TTN: variants seen among roughly 807,000 people sequenced by gnomAD.
TTN encodes connectin.
TTN carries 1,525 observed loss-of-function variants against 3,223.0 expected under a neutral mutation model. That is an observed-to-expected ratio of 0.47 (90% CI 0.45 to 0.49). The LOEUF (loss-of-function observed/expected upper bound fraction) is 0.49. TTN is among the 20% of genes least tolerant of loss of function. TTN has a pLI of 0.00. For synonymous variants in TTN, 14,094 were observed against 15,161.0 expected, an observed-to-expected ratio of 0.93 and a Z score of 5.17; for missense variants, 40,786 against 43,424.0, an observed-to-expected ratio of 0.94 and a Z score of 5.40.
rs764764471 is a variant in TTN, at chr2:178,546,016, G to A, written c.95220C>T (p.Ile31740=). The change falls in exon 343 of 363, where the codon ATC becomes ATT. Residue 31740 remains isoleucine (I), a synonymous_variant. Coordinates refer to ENST00000589042, the MANE Select transcript of TTN (RefSeq NM_001267550.2). ...SLPQEDGGAE[I]THYIVERRET... is the part of the protein sequence containing the mutation. ...CGCGTCTTTCCACGATGTAGTGAGT[G>A]ATTTCTGCTCCTCCGTCTTCCTGCG... 1.2e-6 allele frequency: 2 copies of A among 1,613,800 alleles called. No homozygotes were observed. The highest frequency in any genetic ancestry group is 1.7e-6 in the Non-Finnish European group (2 of 1,179,768).
At position 178,770,181 on chromosome 2, in the gene TTN, GTGTT is replaced by G; in HGVS notation, c.8516_8519del (p.Lys2839ThrfsTer12). On this transcript the variant is annotated frameshift_variant, in exon 36 of 363. Transcript: ENST00000589042. LOFTEE classifies it high-confidence loss of function. ...GGACTTTCCTTTCTGAGACCAGTCT[GTGTT>G]TGTCACTTGGCTTAATTTCCACACT... 1 of 1,614,112 alleles carries G rather than the reference GTGTT, an allele frequency of 6.2e-7. No homozygotes were observed. The highest frequency in any genetic ancestry group is 8.5e-7 in the Non-Finnish European group (1 of 1,180,000).
intron 126 of TTN, 104 bp from the exon 127 acceptor site, chr2:178,688,328 G>T: frequency 2.9e-6 from 3 of 1,041,244 alleles, no homozygotes; most frequent in Non-Finnish European, 4.4e-6. Context: ...ATCTGCTTAG[G>T]ACATAGCTTC....
In TTN at chr2:178,773,942, G is replaced by T. The variant is rs769246937; in HGVS notation, c.7226C>A (p.Ser2409Tyr). 10 of 1,614,120 alleles carry T rather than the reference G, an allele frequency of 6.2e-6. No individual in the cohort carries two copies. Among genetic ancestry groups the T allele is most frequent in the Non-Finnish European group, 8.5e-6 (10 of 1,179,994 alleles). Residue 2409 changes from serine to tyrosine, a missense_variant, in exon 31 of 363, where the codon TCT (serine) becomes TAT (tyrosine). By Grantham distance (144) the Ser-to-Tyr change is moderately radical. Coordinates refer to ENST00000589042, the MANE Select transcript of TTN (RefSeq NM_001267550.2). ...CATGTCTTCAATGAGCAGCATATGA[G>T]ATTGTTTGTCTATCACAATGTGAAC... ...DRVHIVIDKQ[S>Y]HMLLIEDMTK... is the part of the protein sequence containing the mutation.
intron 38 of TTN, 86 bp downstream of exon 38, chr2:178,768,583 TTTTA>T: frequency 6.3e-7 from 1 of 1,580,842 alleles, no homozygotes; most frequent in Non-Finnish European, 8.6e-7. Flanking sequence ...CTATCCCACA[TTTTA>T]TTTATCCATT....
Position 178,533,165 on chromosome 2 carries a change from C to T in TTN, c.103450G>A (p.Ala34484Thr), listed in dbSNP as rs754949098. The change falls in exon 358 of 363, where the codon GCT becomes ACT. Residue 34484 changes from alanine to threonine, a missense_variant. Ala to Thr is a moderately conservative substitution (Grantham distance 58). Coordinates refer to ENST00000589042, the MANE Select transcript of TTN (RefSeq NM_001267550.2). Reference sequence around the variant, plus strand: ...CTTTCAGTTCCAGAAAGAATTTCAGCCATTCTGAGGGTTTTGTCAATTTGT... The same window carrying T: ...CTTTCAGTTCCAGAAAGAATTTCAGTCATTCTGAGGGTTTTGTCAATTTGT... ...QKQIDKTLRM[A>T]EILSGTESVP... 1.9e-6 allele frequency: 3 copies of T among 1,613,966 alleles called. No homozygotes were observed. The South Asian group carries it at 3.3e-5, about 18-fold the overall frequency.
Position 178,575,398 on chromosome 2 carries a change from C to G in TTN, c.70734G>C (p.Gln23578His), listed in dbSNP as rs1342674248. 6.2e-7 allele frequency: 1 copy of G among 1,613,618 alleles called. No homozygotes were observed. Among genetic ancestry groups the G allele is most frequent in the Non-Finnish European group, 8.5e-7 (1 of 1,179,666 alleles). ...CTTTCACGGTTGTGATGTGGGTCCACTGGTCAGAGCCTTTTCTTTGGGCTT... is the reference window on the plus strand; with the variant it reads ...CTTTCACGGTTGTGATGTGGGTCCAGTGGTCAGAGCCTTTTCTTTGGGCTT... ...VIEAQRKGSD[Q>H]WTHITTVKGL... The change falls in exon 326 of 363, where the codon CAG becomes CAC. Residue 23578 changes from glutamine to histidine, a missense_variant. Transcript: ENST00000589042. The surrounding 1 kb of genome is among the most constrained non-coding windows in gnomAD (Gnocchi z 4.0).
In TTN at chr2:178,634,510, T is replaced by C; in HGVS notation, c.42271A>G (p.Ile14091Val). ...ANVIWSKGPD[I>V]IKSSDKFDII... Reference sequence around the variant, plus strand: ...TCAAATTTGTCAGATGACTTAATTATATCAGGTCCTTTGGACCATATAACA... The same window carrying C: ...TCAAATTTGTCAGATGACTTAATTACATCAGGTCCTTTGGACCATATAACA... The change falls in exon 230 of 363, where the codon ATA (isoleucine) becomes GTA (valine). Residue 14091 changes from isoleucine to valine, a missense_variant. Ile to Val is a conservative substitution (Grantham distance 29). Coordinates refer to ENST00000589042, the MANE Select transcript of TTN (RefSeq NM_001267550.2). This position sits in a 1 kb window ranked among gnomAD's most constrained non-coding sequence, Gnocchi z 4.6. 1 of 1,613,328 alleles carries C rather than the reference T, an allele frequency of 6.2e-7. No homozygotes were observed. The highest frequency in any genetic ancestry group is 8.5e-7 in the Non-Finnish European group (1 of 1,179,522).
chr2:178,578,271 C>CAT, intron 321 of TTN, 86 bp from the exon 322 acceptor site: 1 of 1,175,014 alleles, frequency 8.5e-7, no homozygotes, highest in Non-Finnish European at 1.2e-6. Context: ...TATACATATC[C>CAT]ATATATATTG....
In TTN at chr2:178,546,886, C is replaced by T. The variant is rs780990505; in HGVS notation, c.94542G>A (p.Glu31514=). The change falls in exon 341 of 363, where the codon GAG becomes GAA. Residue 31514 remains glutamate (E), a synonymous_variant. Transcript: ENST00000589042. The stretch of plus-strand genomic sequence containing the variant: ...CTGTTGATCTTGTGACATCTGTCAC[C>T]TCTGGTCTGCCTGGTGCATCTGGAA... ...QNPVDAPGRP[E]VTDVTRSTVS... 1.9e-6 allele frequency: 3 copies of T among 1,590,572 alleles called. No homozygotes were observed. The highest frequency in any genetic ancestry group is 1.3e-5 in the African/African-American group (1 of 74,530).
In TTN at chr2:178,632,829, T is replaced by A. The variant is rs1274173832; in HGVS notation, c.43214-37A>T. ...GGACAGTGGATGAAGTCAGAATACG[T>A]TTCCATTGATGACCCTTGATCAATG... On this transcript the variant is annotated intron_variant, in intron 234 of 362. Coordinates refer to ENST00000589042, the MANE Select transcript of TTN (RefSeq NM_001267550.2). The A allele has an allele frequency of 3.7e-6, 6 of 1,612,542 alleles. No homozygotes were observed. The Admixed American group carries it at 1.0e-4, about 27-fold the overall frequency.
chr2:178,762,768 T>C (rs1293845348), intron 43 of TTN, among the ~76,000 whole-genome samples: 2 of 152,242 alleles, frequency 1.3e-5, no homozygotes, highest in African/African-American at 4.8e-5. Flanking sequence ...TATTTGTCCA[T>C]ACTGGCCATA....
At position 178,729,343 on chromosome 2, in the gene TTN, G is replaced by A. The variant is rs1440628720; in HGVS notation, c.18813C>T (p.Cys6271=). ...CDPSDTGEYQ[C]IVSNEGGSCS... ...AGCTGCCGCCTTCATTGGATACAAT[G>A]CACTGGTATTCCCCAGTGTCTGAAG... The change falls in exon 64 of 363, where the codon TGC becomes TGT. Residue 6271 remains cysteine, a synonymous_variant. Transcript: ENST00000589042. 6.2e-7 allele frequency: 1 copy of A among 1,613,502 alleles called. No homozygotes were observed. Among genetic ancestry groups the A allele is most frequent in the Non-Finnish European group, 8.5e-7 (1 of 1,179,596 alleles).
At chr2:178,639,844 A>G (rs1018005475) in intron 222 of TTN, 56 bp from the exon 223 acceptor site, 2 of 1,507,340 alleles carry the variant, frequency 1.3e-6, no homozygotes, top group Admixed American at 2.3e-5. Context: ...CTAAAAACTT[A>G]TTTGGTAGCT....
In TTN at chr2:178,573,987, G is replaced by A; in HGVS notation, c.72145C>T (p.Leu24049=). The A allele has an allele frequency of 6.2e-7, 1 of 1,613,346 alleles. No individual in the cohort carries two copies. Among genetic ancestry groups the A allele is most frequent in the East Asian group, 2.2e-5 (1 of 44,686 alleles). Residue 24049 remains leucine, a synonymous_variant, in exon 326 of 363, where the codon CTG becomes TTG. Transcript: ENST00000589042. ...VILKAGEAFR[L]EADVSGRPPP... ...GGGCGGCCTGAAACATCAGCTTCCA[G>A]TCTGAATGCTTCACCTGCTTTTAAT...
chr2:178,769,665 A>T lies in TTN; in HGVS notation c.8902+14T>A, dbSNP rs13388274. ...TATATATGTGTATATATATATATATATTTTTTAACTTACGGGTGACTGTCA... is the reference window on the plus strand; with the variant it reads ...TATATATGTGTATATATATATATATTTTTTTTAACTTACGGGTGACTGTCA... On this transcript the variant is annotated intron_variant, in intron 37 of 362. Transcript: ENST00000589042. 2.2e-3 allele frequency: 2,168 copies of T among 993,936 alleles called. 21 individuals carry two copies. The East Asian group carries it at 0.039, about 18-fold the overall frequency. The allele number at this position is 993,936 out of a possible 1,614,324, so 61.6% of individuals were successfully genotyped here.
chr2:178,794,772 T>C (rs1435555758), intron 7 of TTN, 150 bp downstream of exon 7: 2 of 1,137,990 alleles, frequency 1.8e-6, no homozygotes, highest in Non-Finnish European at 2.5e-6. Flanking sequence ...TTACAAAGCA[T>C]GACTACTGAA....
In TTN at chr2:178,531,961, C is replaced by G; in HGVS notation, c.104654G>C (p.Arg34885Pro). ...CTCACTAGACACAGGGCTGGGGGAT[C>G]GTGGGCGAGTTCTCTCTGGAGTAGG... ...RSPTPERTRPRSPSPVSSERS... is the reference protein window; with the variant it reads ...RSPTPERTRPPSPSPVSSERS... The change falls in exon 358 of 363, where the codon CGA (arginine) becomes CCA (proline). Residue 34885 changes from arginine to proline, a missense_variant. Physicochemically the swap from Arg to Pro is moderately radical, Grantham distance 103. Coordinates refer to ENST00000589042, the MANE Select transcript of TTN (RefSeq NM_001267550.2). 1 of 1,613,520 alleles carries G rather than the reference C, an allele frequency of 6.2e-7. No individual in the cohort carries two copies. Among genetic ancestry groups the G allele is most frequent in the South Asian group, 1.1e-5 (1 of 91,024 alleles).
rs2154198516 is a variant in TTN, at chr2:178,609,526, C to T, written c.51784G>A (p.Gly17262Ser). The T allele has an allele frequency of 1.9e-6, 3 of 1,612,214 alleles. No homozygotes were observed. The South Asian group carries it at 3.3e-5, about 18-fold the overall frequency. Reference protein sequence around the residue: ...ILRTSLEVKRGDEIALDASIS... With the variant: ...ILRTSLEVKRSDEIALDASIS... Reference sequence around the variant, plus strand: ...CTTGCATCAAGTGCTATTTCATCACCTCGTTTCACTTCTAGGCTTGTTCTC... The same window carrying T: ...CTTGCATCAAGTGCTATTTCATCACTTCGTTTCACTTCTAGGCTTGTTCTC... Residue 17262 changes from glycine (G) to serine (S), a missense_variant, in exon 273 of 363, where the codon GGT becomes AGT. Physicochemically the swap from Gly to Ser is moderately conservative, Grantham distance 56 (BLOSUM62 0). Transcript: ENST00000589042.
intron 49 of TTN, 92 bp from the exon 50 acceptor site, chr2:178,736,166 G>A: frequency 8.6e-7 from 1 of 1,168,432 alleles, no homozygotes; most frequent in Non-Finnish European, 1.2e-6. Flanking sequence ...GATGAGTTAA[G>A]TCTTTAGATA....
Sources: allele counts gnomAD v4.1 joint callset (sites outside exome capture counted in the v4.1 genomes callset), GRCh38; gene constraint gnomAD v4.1.1; non-coding constraint Gnocchi (gnomAD v3.1); transcripts MANE v1.5; gene names NCBI Gene and HGNC (gene_info 2026-07-23, HGNC 2026-07-21).